Variants in RAD51B observed in about 807,000 individuals in gnomAD.
RAD51B encodes the protein RAD51 paralog B.
In RAD51B, 38 loss-of-function variants were observed where a neutral mutation model predicts 42.2. The ratio of observed to expected loss-of-function variants is 0.90; its 90% CI spans 0.70 to 1.18. The LOEUF (loss-of-function observed/expected upper bound fraction) is 1.18. RAD51B is among the 50% of genes most tolerant of loss of function. The probability of loss-of-function intolerance (pLI) is 0.00; values close to 1 mark genes in which losing one functional copy is unlikely to be tolerated. For missense variants in RAD51B, 373 were observed against 400.7 expected, an observed-to-expected ratio of 0.93 and a Z score of 0.59; for synonymous variants, 154 against 145.2, an observed-to-expected ratio of 1.06 and a Z score of -0.43.
chr14:68,046,860 A>G (rs1454559262), intron 7 of RAD51B, among the ~76,000 whole-genome samples: 1 of 152,116 alleles, frequency 6.6e-6, no homozygotes, highest in Non-Finnish European at 1.5e-5. Context: ...GATGAAGGAT[A>G]TTGCATTTCA....
intron 4 of RAD51B, among the ~76,000 whole-genome samples, chr14:67,851,275 T>G (rs1341540556): frequency 2.0e-5 from 3 of 152,032 alleles, no homozygotes; most frequent in African/African-American, 7.3e-5. Context: ...GGCTGGATTG[T>G]TGGGGAGCCT....
intron 10 of RAD51B, among the ~76,000 whole-genome samples, chr14:68,618,548 T>C (rs970968332): frequency 6.6e-6 from 1 of 152,142 alleles, no homozygotes; most frequent in Non-Finnish European, 1.5e-5. Flanking sequence ...CTTTGTTAGT[T>C]CCCCTAAATC....
intron 8 of RAD51B, among the ~76,000 whole-genome samples, chr14:68,307,555 C>A (rs1453788220): frequency 6.6e-6 from 1 of 152,264 alleles, no homozygotes; most frequent in South Asian, 2.1e-4. Context: ...ATGTGGGAAG[C>A]CTGTACTTCA....
intron 10 of RAD51B, among the ~76,000 whole-genome samples, chr14:68,474,417 G>A (rs1882382055): frequency 6.6e-6 from 1 of 152,162 alleles, no homozygotes; most frequent in African/African-American, 2.4e-5. Flanking sequence ...GAGTGACAGA[G>A]CAAAACCCCA....
chr14:68,389,147 A>G (rs1050083310), intron 8 of RAD51B, among the ~76,000 whole-genome samples: 7 of 152,218 alleles, frequency 4.6e-5, no homozygotes, highest in Non-Finnish European at 1.0e-4. Context: ...TATGTAAACA[A>G]AAAAGTGTGT....
At chr14:68,458,906 T>C (rs931958611) in intron 9 of RAD51B, among the ~76,000 whole-genome samples, 3 of 152,208 alleles carry the variant, frequency 2.0e-5, no homozygotes, top group Non-Finnish European at 4.4e-5. Context: ...GAAGGCAGTT[T>C]AGATGCCGCT....
chr14:68,527,262 A>G (rs1453778028), intron 10 of RAD51B, among the ~76,000 whole-genome samples: 2 of 152,128 alleles, frequency 1.3e-5, no homozygotes, highest in Non-Finnish European at 2.9e-5. Context: ...GAATTACAGT[A>G]TTTTTCAAAG....
intron 8 of RAD51B, among the ~76,000 whole-genome samples, chr14:68,377,122 A>C (rs897312570): frequency 2.0e-5 from 3 of 152,198 alleles, no homozygotes; most frequent in African/African-American, 7.2e-5. Context: ...ATGGGATATG[A>C]AACTAGAGGC....
At chr14:68,539,958 A>G (rs1887865030) in intron 10 of RAD51B, among the ~76,000 whole-genome samples, 1 of 151,750 alleles carries the variant, frequency 6.6e-6, no homozygotes, top group Non-Finnish European at 1.5e-5. Context: ...GCTGTAAGAG[A>G]GTGTTAGGAT....
chr14:68,368,018 G>C (rs563329744), intron 8 of RAD51B, among the ~76,000 whole-genome samples: 4 of 152,274 alleles, frequency 2.6e-5, no homozygotes, highest in East Asian at 1.9e-4. Flanking sequence ...TGGCCTGTCT[G>C]GTTGCCAAAA....
chr14:68,157,851 A>G (rs1231230862), intron 7 of RAD51B, among the ~76,000 whole-genome samples: 2 of 152,166 alleles, frequency 1.3e-5, no homozygotes, highest in Non-Finnish European at 2.9e-5. Context: ...GCTCGTGGCC[A>G]TTAGTATTAT....
chr14:67,837,446 G>C (rs2041280804), intron 4 of RAD51B, among the ~76,000 whole-genome samples: 1 of 152,106 alleles, frequency 6.6e-6, no homozygotes, highest in Non-Finnish European at 1.5e-5. Context: ...AATCCAAACA[G>C]AAGTTACAAG....
intron 7 of RAD51B, among the ~76,000 whole-genome samples, chr14:68,224,167 T>C (rs1052764035): frequency 1.3e-5 from 2 of 152,346 alleles, no homozygotes; most frequent in African/African-American, 2.4e-5. Context: ...TTATACCACC[T>C]CCTTTGATGC....
chr14:68,543,076 A>G (rs1888049396), intron 10 of RAD51B, among the ~76,000 whole-genome samples: 1 of 152,232 alleles, frequency 6.6e-6, no homozygotes, highest in Non-Finnish European at 1.5e-5. Flanking sequence ...GTAAAAGGCC[A>G]GTCGTAAATA....
chr14:68,664,431 CTT>C (rs1892993183), intron 11 of RAD51B, among the ~76,000 whole-genome samples: 2 of 152,102 alleles, frequency 1.3e-5, no homozygotes, highest in Admixed American at 1.3e-4. Context: ...AGTCTCTTAA[CTT>C]TGTCCAAAAG....
chr14:68,313,822 A>T (rs1327261828), intron 8 of RAD51B, among the ~76,000 whole-genome samples: 2 of 152,178 alleles, frequency 1.3e-5, no homozygotes, highest in Non-Finnish European at 2.9e-5. Context: ...TTTCTAATAG[A>T]AGGCATTTGG....
At chr14:67,856,377 T>C (rs1255390469) in intron 4 of RAD51B, among the ~76,000 whole-genome samples, 5 of 152,160 alleles carry the variant, frequency 3.3e-5, no homozygotes, top group Admixed American at 2.6e-4. Flanking sequence ...TTTCCTTTTT[T>C]ATGGTTTTGG....
chr14:68,510,592 A>T (rs1885661246), intron 10 of RAD51B, among the ~76,000 whole-genome samples: 1 of 152,108 alleles, frequency 6.6e-6, no homozygotes, highest in African/African-American at 2.4e-5. Context: ...TGGAAAAGAG[A>T]ATTTCAGTGG....
intron 7 of RAD51B, among the ~76,000 whole-genome samples, chr14:68,170,785 G>A (rs2078856381): frequency 6.6e-6 from 1 of 152,068 alleles, no homozygotes; most frequent in Non-Finnish European, 1.5e-5. Flanking sequence ...TGGACATTTA[G>A]GCTGAATCTA....
Sources: allele counts gnomAD v4.1 joint callset (sites outside exome capture counted in the v4.1 genomes callset), GRCh38; gene constraint gnomAD v4.1.1; transcripts MANE v1.5; gene names NCBI Gene and HGNC (gene_info 2026-07-23, HGNC 2026-07-21).